NOP58: variants seen among roughly 807,000 people sequenced by gnomAD.
The protein encoded by NOP58 is nucleolar protein 58.
In NOP58, 44 loss-of-function variants were observed where a neutral mutation model predicts 71.2. That is an observed-to-expected ratio of 0.62 (90% CI 0.49 to 0.79). NOP58 has a LOEUF of 0.79. Ranked by LOEUF, NOP58 falls within the 30% of genes least tolerant of loss-of-function variation. NOP58 has a pLI of 0.00. For missense variants in NOP58, 538 were observed against 620.2 expected (o/e 0.87, Z 1.41); for synonymous variants, 228 against 200.3 (o/e 1.14, Z -1.17).
chr2:202,277,561 A>C (rs991082076), intron 2 of NOP58, among the ~76,000 whole-genome samples: 8 of 152,092 alleles, frequency 5.3e-5, no homozygotes, highest in African/African-American at 1.9e-4. Flanking sequence ...TGGCATTTGT[A>C]CAGGATAGAC....
chr2:202,293,283 AAAAG>A (rs755859585), intron 9 of NOP58: 8 of 350,696 alleles, frequency 2.3e-5, no homozygotes, highest in African/African-American at 1.1e-4. Context: ...AAAGAAAAAA[AAAAG>A]AAATCACTGT....
chr2:202,275,432 TG>T (rs1378027555), intron 2 of NOP58: 2 of 391,272 alleles, frequency 5.1e-6, no homozygotes, highest in Non-Finnish European at 9.4e-6. Context: ...GAAGACCCTG[TG>T]GATACTTTAA....
intron 1 of NOP58, among the ~76,000 whole-genome samples, chr2:202,271,851 G>A (rs1182510769): frequency 6.6e-6 from 1 of 152,136 alleles, no homozygotes. Flanking sequence ...GGCCGAGGCA[G>A]AAGAATCGCT....
intron 13 of NOP58, among the ~76,000 whole-genome samples, chr2:202,301,354 T>C (rs1053689010): frequency 1.3e-5 from 2 of 151,804 alleles, no homozygotes; most frequent in Non-Finnish European, 2.9e-5. Flanking sequence ...CCAGCTAATT[T>C]TTTTATTTTT....
chr2:202,277,332 C>A (rs1327999562), intron 2 of NOP58, among the ~76,000 whole-genome samples: 2 of 149,354 alleles, frequency 1.3e-5, no homozygotes, highest in Admixed American at 1.3e-4. Context: ...ACTAGCCAGG[C>A]ATGGTGGCAC....
chr2:202,269,691 C>T lies in NOP58; in HGVS notation c.45+3705C>T, dbSNP rs141393897. Among the ~76,000 whole-genome samples the T allele has an allele frequency of 1.9e-3, 294 of 151,992 alleles. 1 individual carries two copies. Among genetic ancestry groups the T allele is most frequent in the African/African-American group, 6.2e-3 (258 of 41,482 alleles). ...TAGGAGCAGAGGTTGCAATGAGCTG[C>T]GGTCGCGCCACTGCAGTGCAGCCTG... On this transcript the variant is annotated intron_variant, in intron 1 of 14. Transcript: ENST00000264279.
intron 10 of NOP58, among the ~76,000 whole-genome samples, chr2:202,296,925 G>C (rs984313608): frequency 6.6e-6 from 1 of 151,902 alleles, no homozygotes; most frequent in Non-Finnish European, 1.5e-5. Flanking sequence ...AGTAGAGACA[G>C]GGTTTCACCG....
chr2:202,290,970 G>A, intron 7 of NOP58, 155 bp from the exon 8 acceptor site: 1 of 580,376 alleles, frequency 1.7e-6, no homozygotes, highest in Non-Finnish European at 2.9e-6. Context: ...CCTTAAATGA[G>A]GAAAACTGTT....
chr2:202,281,027 G>A (rs980707020), intron 3 of NOP58, among the ~76,000 whole-genome samples: 3 of 151,974 alleles, frequency 2.0e-5, no homozygotes, highest in Non-Finnish European at 4.4e-5. Context: ...ATGGATATAC[G>A]ATCAGGAGGG....
chr2:202,277,535 A>G (rs1307154064), intron 2 of NOP58, among the ~76,000 whole-genome samples: 1 of 152,074 alleles, frequency 6.6e-6, no homozygotes, highest in Non-Finnish European at 1.5e-5. Flanking sequence ...ACCTGACAAT[A>G]AGCTATTTTT....
rs1173841573 is a variant in NOP58 at position 202,297,903 on chromosome 2, A to C, written c.1265A>C (p.Lys422Thr). 11 of 1,573,112 alleles carry C rather than the reference A, an allele frequency of 7.0e-6. No individual in the cohort carries two copies. The Admixed American group carries it at 1.7e-4, about 24-fold the overall frequency. ...ALAKTEKYEH[K>T]SEVKTYDPSG... ...GCAAAAACAGAAAAATATGAACACA[A>C]AAGGTGAGTACATTTAAGTGAGGAT... Residue 422 changes from lysine to threonine, a missense_variant, in exon 12 of 15, where the codon AAA becomes ACA. Transcript: ENST00000264279.
intron 6 of NOP58, among the ~76,000 whole-genome samples, chr2:202,288,980 C>T (rs564623191): frequency 6.6e-6 from 1 of 151,934 alleles, no homozygotes; most frequent in South Asian, 2.1e-4. Flanking sequence ...AGTAGCCAGT[C>T]GAGGTGGCGT....
At chr2:202,292,584 G>C (rs963302277) in intron 8 of NOP58, among the ~76,000 whole-genome samples, 193 bp from the exon 9 acceptor site, 1 of 151,920 alleles carries the variant, frequency 6.6e-6, no homozygotes, top group Non-Finnish European at 1.5e-5. Flanking sequence ...ATTGCTGTGA[G>C]CTGAGATTGC....
rs1445051998 is a variant in NOP58 at position 202,265,926 on chromosome 2, C to T, written c.-16C>T. ...AGCTTCTGGCAGGCCGTGCGGCGCC[C>T]TGACCCGGCCTCACCATGTTGGTGC... On this transcript the variant is annotated 5_prime_UTR_variant, in exon 1 of 15. Coordinates refer to ENST00000264279, the MANE Select transcript of NOP58 (RefSeq NM_015934.5). 4 of 1,614,060 alleles carry T rather than the reference C, an allele frequency of 2.5e-6. No homozygotes were observed. Among genetic ancestry groups the T allele is most frequent in the Non-Finnish European group, 3.4e-6 (4 of 1,180,022 alleles).
At chr2:202,284,186 T>A in intron 4 of NOP58, 159 bp from the exon 5 acceptor site, 1 of 546,892 alleles carries the variant, frequency 1.8e-6, no homozygotes, top group Middle Eastern at 5.0e-4. Context: ...GACAGGAGAA[T>A]CTCTTGAACC....
intron 8 of NOP58, among the ~76,000 whole-genome samples, 200 bp from the exon 9 acceptor site, chr2:202,292,577 G>T (rs1054336041): frequency 1.3e-5 from 2 of 151,894 alleles, no homozygotes; most frequent in Admixed American, 6.6e-5. Context: ...GGCGGAGATT[G>T]CTGTGAGCTG....
Position 202,292,186 on chromosome 2 carries a change from G to T in NOP58, c.781-591G>T, listed in dbSNP as rs573024971. ...TTTTTGTATTTTTCATAGAGACGGG[G>T]TTTCACCATGTTGGCCAGGATGGTC... On this transcript the variant is annotated intron_variant, in intron 8 of 14. Coordinates refer to ENST00000264279, the MANE Select transcript of NOP58 (RefSeq NM_015934.5). 8.0e-5 allele frequency among the ~76,000 whole-genome samples: 12 copies of T among 150,518 alleles called. No individual in the cohort carries two copies. In the South Asian group the frequency reaches 2.5e-3, roughly 32 times the overall value.
At chr2:202,276,098 G>T (rs1260086450) in intron 2 of NOP58, among the ~76,000 whole-genome samples, 1 of 152,002 alleles carries the variant, frequency 6.6e-6, no homozygotes, top group East Asian at 1.9e-4. Flanking sequence ...TAGTACTTTG[G>T]GATACCAAGG....
chr2:202,288,847 A>G (rs969347594), intron 6 of NOP58, among the ~76,000 whole-genome samples: 3 of 151,716 alleles, frequency 2.0e-5, no homozygotes, highest in Non-Finnish European at 2.9e-5. Flanking sequence ...GGCTGGGCGC[A>G]GTGGCTCACA....
Sources: gnomAD v4.1 joint callset for allele counts (sites outside exome capture counted in the v4.1 genomes callset) on GRCh38, gnomAD v4.1.1 for gene constraint, MANE v1.5 for transcripts, NCBI Gene and HGNC (gene_info 2026-07-23, HGNC 2026-07-21) for gene names.